Variants in KRT20 observed in about 807,000 individuals in gnomAD.
The protein encoded by KRT20 is keratin 20.
A neutral mutation model predicts 43.0 loss-of-function variants in KRT20; 41 were observed. The ratio of observed to expected loss-of-function variants is 0.95; its 90% confidence interval spans 0.74 to 1.24. The LOEUF is 1.24. Among genes scored for constraint, KRT20 ranks in the 50% most tolerant of loss-of-function variants. The pLI is 0.00. For missense variants in KRT20, 533 were observed against 521.2 expected, an observed-to-expected ratio of 1.02 and a Z score of -0.22; for synonymous variants, 207 against 200.6, an observed-to-expected ratio of 1.03 and a Z score of -0.27.
chr17:40,878,512 A>G (rs1329634178), intron 5 of KRT20, 147 bp from the exon 6 acceptor site: 1 of 645,962 alleles, frequency 1.5e-6, no homozygotes, highest in Non-Finnish European at 2.7e-6. Context: ...ACTCTTCCCA[A>G]CTAGGCAACC....
Position 40,876,134 on chromosome 17 carries a change from T to C in KRT20, c.*227A>G. The C allele has an allele frequency of 2.3e-6, 1 of 428,132 alleles. No homozygotes were observed. The highest frequency in any genetic ancestry group is 3.3e-5 in the East Asian group (1 of 30,210). 26.5% of individuals were successfully genotyped at this position (428,132 alleles called of 1,614,324 possible). A position where few individuals can be genotyped will look rare whatever the true frequency, so the allele number is the denominator to read the frequency against. On this transcript the variant is annotated 3_prime_UTR_variant, in exon 8 of 8. Coordinates refer to ENST00000167588, the MANE Select transcript of KRT20 (RefSeq NM_019010.3). ...GGCAGTAATGATGTTTTAAATATTC[T>C]AGTGCTCACTGGATTTCATTTTTGC...
chr17:40,883,420 A>G (rs1907683463), intron 1 of KRT20, among the ~76,000 whole-genome samples: 1 of 152,166 alleles, frequency 6.6e-6, no homozygotes, highest in African/African-American at 2.4e-5. Flanking sequence ...CTGTGCTCTC[A>G]TTATCCCTCT....
chr17:40,881,687 C>A (rs538455181), intron 2 of KRT20, among the ~76,000 whole-genome samples: 1 of 152,114 alleles, frequency 6.6e-6, no homozygotes, highest in Non-Finnish European at 1.5e-5. Context: ...TCTTGTTAAT[C>A]CCTTGGAGCA....
chr17:40,880,738 A>G lies in KRT20; in HGVS notation c.506T>C (p.Val169Ala). Residue 169 changes from valine (V) to alanine (A), a missense_variant, in exon 3 of 8, where the codon GTG (valine) becomes GCG (alanine). Physicochemically the swap from Val to Ala is moderately conservative, Grantham distance 64. Coordinates refer to ENST00000167588, the MANE Select transcript of KRT20 (RefSeq NM_019010.3). Reference sequence around the variant, plus strand: ...ATTCAGGCCTTGGAGATCAGCTTCCACTGTTAGACGTATTCCTCTCTCAGT... The same window carrying G: ...ATTCAGGCCTTGGAGATCAGCTTCCGCTGTTAGACGTATTCCTCTCTCAGT... Reference protein sequence around the residue: ...YETERGIRLTVEADLQGLNKV... With the variant: ...YETERGIRLTAEADLQGLNKV... 2 of 1,582,776 alleles carry G rather than the reference A, an allele frequency of 1.3e-6. No individual in the cohort carries two copies. Among genetic ancestry groups the G allele is most frequent in the South Asian group, 1.2e-5 (1 of 85,798 alleles).
At chr17:40,881,750 A>G (rs1194431034) in intron 2 of KRT20, among the ~76,000 whole-genome samples, 3 of 152,236 alleles carry the variant, frequency 2.0e-5, no homozygotes, top group Non-Finnish European at 2.9e-5. Flanking sequence ...AATGCATTGT[A>G]CAAATTCAGG....
At chr17:40,882,028 A>G (rs1341687165) in intron 2 of KRT20, among the ~76,000 whole-genome samples, 1 of 152,050 alleles carries the variant, frequency 6.6e-6, no homozygotes, top group Non-Finnish European at 1.5e-5. Context: ...ATACGGCATC[A>G]CGCCCAGCTA....
chr17:40,883,093 T>A (rs1288623422), intron 1 of KRT20, among the ~76,000 whole-genome samples: 1 of 152,220 alleles, frequency 6.6e-6, no homozygotes, highest in East Asian at 1.9e-4. Flanking sequence ...AAAAATGATG[T>A]TCATTTCAAG....
intron 5 of KRT20, 89 bp downstream of exon 5, chr17:40,879,724 C>T: frequency 1.4e-6 from 2 of 1,436,672 alleles, no homozygotes; most frequent in South Asian, 1.2e-5. Context: ...AGGGTTATTT[C>T]TTGTAGGTCT....
At position 40,880,719 on chromosome 17, in the gene KRT20, G is replaced by A. The variant is rs746244909; in HGVS notation, c.525C>T (p.Gly175=). 5 of 1,597,172 alleles carry A rather than the reference G, an allele frequency of 3.1e-6. No individual in the cohort carries two copies. Among genetic ancestry groups the A allele is most frequent in the Non-Finnish European group, 3.4e-6 (4 of 1,172,274 alleles). Reference sequence around the variant, plus strand: ...TTAGGTCATCAAAGACCTTATTCAGGCCTTGGAGATCAGCTTCCACTGTTA... The same window carrying A: ...TTAGGTCATCAAAGACCTTATTCAGACCTTGGAGATCAGCTTCCACTGTTA... The part of the protein sequence containing the change: ...IRLTVEADLQ[G]LNKVFDDLTL... The change falls in exon 3 of 8, where the codon GGC becomes GGT. Residue 175 remains glycine, a synonymous_variant. Coordinates refer to ENST00000167588, the MANE Select transcript of KRT20 (RefSeq NM_019010.3).
Position 40,884,822 on chromosome 17 carries a change from T to C in KRT20, c.364A>G (p.Arg122Gly). 6.2e-7 allele frequency: 1 copy of C among 1,613,476 alleles called. No individual in the cohort carries two copies. The highest frequency in any genetic ancestry group is 1.1e-5 in the South Asian group (1 of 91,036). ...TGACTTCGCAGCTCTTCAATTTGTC[T>C]GTAATATGCACTGTAGTCGCGACCA... ...RAGRDYSAYY[R>G]QIEELRSQIK... Residue 122 changes from arginine (R) to glycine (G), a missense_variant, in exon 1 of 8, where the codon AGA becomes GGA. Arg to Gly is a moderately radical substitution (Grantham distance 125, BLOSUM62 -2). Coordinates refer to ENST00000167588, the MANE Select transcript of KRT20 (RefSeq NM_019010.3).
At position 40,878,294 on chromosome 17, in the gene KRT20, C is replaced by A; in HGVS notation, c.990G>T (p.Ser330=). 6.2e-7 allele frequency: 1 copy of A among 1,614,106 alleles called. No homozygotes were observed. Among genetic ancestry groups the A allele is most frequent in the Non-Finnish European group, 8.5e-7 (1 of 1,180,024 alleles). ...RYSSQLANLQ[S]LLSSLEAQLM... is the part of the protein sequence containing the mutation. ...GTTGGGCCTCCAGAGAGCTCAACAG[C>A]GACTGGAGGTTGGCTAACTGGCTGC... Residue 330 remains serine, a synonymous_variant, in exon 6 of 8, where the codon TCG becomes TCT. Transcript: ENST00000167588.
intron 3 of KRT20, 49 bp from the exon 4 acceptor site, chr17:40,880,310 G>C: frequency 6.5e-7 from 1 of 1,532,892 alleles, no homozygotes. Flanking sequence ...CACATTCTCA[G>C]ATAAGGCTGG....
At chr17:40,879,214 A>G (rs533426657) in intron 5 of KRT20, among the ~76,000 whole-genome samples, 2 of 152,340 alleles carry the variant, frequency 1.3e-5, no homozygotes, top group Admixed American at 6.5e-5. Flanking sequence ...TGGATGTAGT[A>G]TCATGGCTGC....
In KRT20 at chr17:40,885,209, TG is replaced by T. The variant is rs1907765643; in HGVS notation, c.-25del. 1 of 1,568,036 alleles carries T rather than the reference TG, an allele frequency of 6.4e-7. No homozygotes were observed. Among genetic ancestry groups the T allele is most frequent in the African/African-American group, 1.4e-5 (1 of 73,814 alleles). ...ATTGGAGATTCCAGGAGGGAGCACCTGTAGCTTCAGGATGGTTGGGGCAGAG... is the reference window on the plus strand; with the variant it reads ...ATTGGAGATTCCAGGAGGGAGCACCTTAGCTTCAGGATGGTTGGGGCAGAG... On this transcript the variant is annotated 5_prime_UTR_variant, in exon 1 of 8. Transcript: ENST00000167588.
chr17:40,882,484 T>A (rs962203626), intron 2 of KRT20, 88 bp downstream of exon 2: 2 of 573,266 alleles, frequency 3.5e-6, no homozygotes, highest in African/African-American at 3.9e-5. Context: ...GCTTCCTTTA[T>A]CAACAATGAT....
rs1337999265 is a variant in KRT20 at position 40,878,148 on chromosome 17, A to ACGTCTT, written c.1130_1135dup (p.Glu377_Asp378dup). The ACGTCTT allele has an allele frequency of 1.2e-6, 2 of 1,612,584 alleles. No individual in the cohort carries two copies. Among genetic ancestry groups the ACGTCTT allele is most frequent in the Non-Finnish European group, 1.7e-6 (2 of 1,178,642 alleles). On this transcript the variant is annotated inframe_insertion, in exon 6 of 8. Transcript: ENST00000167588. ...TCCTTGATTCTAAGAGCCTTACTTT[A>ACGTCTT]CGTCTTCTCCTTCCAGAAGGCGGCG...
At chr17:40,884,398 CT>C (rs1297679953) in intron 1 of KRT20, among the ~76,000 whole-genome samples, 2 of 152,150 alleles carry the variant, frequency 1.3e-5, no homozygotes, top group African/African-American at 2.4e-5. Context: ...GGAGAAAAGT[CT>C]TTGAATTTAC....
In KRT20 at chr17:40,882,236, G is replaced by A. The variant is rs536387010; in HGVS notation, c.473+336C>T. Reference sequence around the variant, plus strand: ...TAGATAACAGAAAGGCACTTAGGGAGAAGGAGAATTGTAAATTACTTTGTT... The same window carrying A: ...TAGATAACAGAAAGGCACTTAGGGAAAAGGAGAATTGTAAATTACTTTGTT... On this transcript the variant is annotated intron_variant, in intron 2 of 7. Transcript: ENST00000167588. 7.2e-5 allele frequency among the ~76,000 whole-genome samples: 11 copies of A among 152,312 alleles called. No homozygotes were observed. The South Asian group carries it at 8.3e-4, about 11-fold the overall frequency.
chr17:40,878,503 C>T (rs1396938417), intron 5 of KRT20, 138 bp from the exon 6 acceptor site: 12 of 662,298 alleles, frequency 1.8e-5, no homozygotes, highest in Non-Finnish European at 3.1e-5. Flanking sequence ...CCATCTCCCA[C>T]TCTTCCCAAC....
Sources: gnomAD v4.1 joint callset for allele counts (sites outside exome capture counted in the v4.1 genomes callset) on GRCh38, gnomAD v4.1.1 for gene constraint, MANE v1.5 for transcripts, NCBI Gene and HGNC (gene_info 2026-07-23, HGNC 2026-07-21) for gene names.